The following MRPS27 variants were observed in gnomAD, a reference collection of about 807,000 sequenced individuals.
The protein encoded by MRPS27 is mitochondrial ribosomal protein S27.
A neutral mutation model predicts 48.9 loss-of-function variants in MRPS27; 43 were observed. That is an observed-to-expected ratio of 0.88 (90% CI 0.69 to 1.13). The LOEUF is 1.13. Among genes scored for constraint, MRPS27 ranks in the 50% most tolerant of loss-of-function variants. The probability of loss-of-function intolerance (pLI) is 0.00; values close to 1 mark genes in which losing one functional copy is unlikely to be tolerated. For synonymous variants in MRPS27, 188 were observed against 171.9 expected (o/e 1.09, Z -0.73); for missense variants, 467 against 476.3 (o/e 0.98, Z 0.18).
intron 3 of MRPS27, 135 bp downstream of exon 3, chr5:72,297,497 C>G (rs1222988096): frequency 1.8e-6 from 1 of 564,760 alleles, no homozygotes; most frequent in Non-Finnish European, 3.1e-6. Flanking sequence ...CTATTAGTAA[C>G]TATAAAAACT....
intron 9 of MRPS27, among the ~76,000 whole-genome samples, chr5:72,224,211 A>G (rs1747833828): frequency 6.6e-6 from 1 of 151,586 alleles, no homozygotes; most frequent in Admixed American, 6.6e-5. Context: ...AAAAAAAAAA[A>G]AGCCAAGCAT....
At chr5:72,272,002 T>A (rs1365791548) in intron 4 of MRPS27, among the ~76,000 whole-genome samples, 3 of 152,028 alleles carry the variant, frequency 2.0e-5, no homozygotes, top group Non-Finnish European at 4.4e-5. Flanking sequence ...TAAGCTCTAG[T>A]TTTTACATTT....
At chr5:72,230,605 G>A (rs913268268) in intron 7 of MRPS27, among the ~76,000 whole-genome samples, 1 of 151,998 alleles carries the variant, frequency 6.6e-6, no homozygotes, top group Admixed American at 6.6e-5. Flanking sequence ...TTGCTTTCTA[G>A]CTCATTTGCA....
chr5:72,307,633 C>G (rs1750308430), intron 2 of MRPS27, among the ~76,000 whole-genome samples: 1 of 151,752 alleles, frequency 6.6e-6, no homozygotes, highest in Non-Finnish European at 1.5e-5. Context: ...AAAGGGGGCT[C>G]CTTATACCAA....
At chr5:72,281,911 C>T (rs1056361185) in intron 4 of MRPS27, among the ~76,000 whole-genome samples, 1 of 152,178 alleles carries the variant, frequency 6.6e-6, no homozygotes, top group Non-Finnish European at 1.5e-5. Context: ...AACTATGTAA[C>T]AGCCAGTGCA....
intron 4 of MRPS27, among the ~76,000 whole-genome samples, chr5:72,287,057 C>A (rs558609294): frequency 6.6e-6 from 1 of 152,176 alleles, no homozygotes; most frequent in South Asian, 2.1e-4. Flanking sequence ...CGCCTGAGCT[C>A]CACCTCCTGT....
intron 4 of MRPS27, among the ~76,000 whole-genome samples, chr5:72,257,007 G>A (rs1371038261): frequency 6.6e-6 from 1 of 152,184 alleles, no homozygotes; most frequent in Non-Finnish European, 1.5e-5. Context: ...GTAAATGGGA[G>A]AGTAAGTATA....
chr5:72,283,453 G>C (rs1420130393), intron 4 of MRPS27, among the ~76,000 whole-genome samples: 1 of 152,132 alleles, frequency 6.6e-6, no homozygotes, highest in Non-Finnish European at 1.5e-5. Context: ...TTGAAGTCAG[G>C]CCTCATCCAC....
intron 1 of MRPS27, 56 bp from the exon 2 acceptor site, chr5:72,314,214 T>A: frequency 1.6e-6 from 2 of 1,264,530 alleles, no homozygotes; most frequent in Admixed American, 3.6e-5. Context: ...GTTCATTTTA[T>A]ATGTTTTATT....
chr5:72,245,136 C>T (rs1748477667), intron 4 of MRPS27, among the ~76,000 whole-genome samples: 1 of 152,158 alleles, frequency 6.6e-6, no homozygotes, highest in Admixed American at 6.5e-5. Flanking sequence ...AGTGAAACTG[C>T]ACCCAGAAGC....
intron 5 of MRPS27, 145 bp downstream of exon 5, chr5:72,237,869 G>T: frequency 1.7e-6 from 1 of 576,464 alleles, no homozygotes; most frequent in Non-Finnish European, 3.1e-6. Context: ...CTTATACCCA[G>T]CTCCATTCTG....
intron 4 of MRPS27, chr5:72,241,720 CA>C (rs1748356306): frequency 2.0e-6 from 3 of 1,531,534 alleles, no homozygotes; most frequent in Non-Finnish European, 2.6e-6. Context: ...GAAAAGAATA[CA>C]ACTAACACAT....
intron 4 of MRPS27, among the ~76,000 whole-genome samples, chr5:72,256,583 T>A (rs1253885481): frequency 6.6e-6 from 1 of 152,214 alleles, no homozygotes; most frequent in Admixed American, 6.5e-5. Flanking sequence ...CCTCTTCCTT[T>A]TCACCCAGCT....
intron 9 of MRPS27, among the ~76,000 whole-genome samples, chr5:72,224,748 C>G (rs1450559737): frequency 6.6e-6 from 1 of 152,166 alleles, no homozygotes; most frequent in African/African-American, 2.4e-5. Flanking sequence ...ATTTCTGTGA[C>G]TTAGGAAGTA....
chr5:72,239,101 C>G (rs916066274), intron 4 of MRPS27, among the ~76,000 whole-genome samples: 2 of 152,008 alleles, frequency 1.3e-5, no homozygotes, highest in Non-Finnish European at 2.9e-5. Context: ...TCGCTGGGCT[C>G]CACAAAAATC....
At chr5:72,226,803 C>T (rs1375423770) in intron 8 of MRPS27, among the ~76,000 whole-genome samples, 1 of 152,028 alleles carries the variant, frequency 6.6e-6, no homozygotes, top group East Asian at 1.9e-4. Flanking sequence ...ATGAATGTTT[C>T]TCTGGGTACC....
chr5:72,232,107 C>G (rs1205904060), intron 7 of MRPS27, among the ~76,000 whole-genome samples: 1 of 152,158 alleles, frequency 6.6e-6, no homozygotes, highest in Non-Finnish European at 1.5e-5. Context: ...TATTTAATAT[C>G]CCAGGTAATG....
Position 72,234,192 on chromosome 5 carries a change from T to C in MRPS27, c.402A>G (p.Gln134=), listed in dbSNP as rs781492426. Residue 134 remains glutamine (Q), a synonymous_variant, in exon 6 of 11, where the codon CAA becomes CAG. Coordinates refer to ENST00000261413, the MANE Select transcript of MRPS27 (RefSeq NM_015084.3). ...KALYTLVNKV[Q]YGIFPDNFTF... ...TAAAGTTATCTGGAAAAATTCCATA[T>C]TGAACCTATAATGAAAATGAACATA... 4 of 1,500,386 alleles carry C rather than the reference T, an allele frequency of 2.7e-6. No individual in the cohort carries two copies. The highest frequency in any genetic ancestry group is 1.4e-5 in the African/African-American group (1 of 69,158). The allele number at this position is 1,500,386 out of a possible 1,614,324, so 92.9% of individuals were successfully genotyped here.
At chr5:72,235,456 T>C (rs753666540) in intron 5 of MRPS27, among the ~76,000 whole-genome samples, 38 of 152,060 alleles carry the variant, frequency 2.5e-4, no homozygotes, top group African/African-American at 7.7e-4. Context: ...TCCAAACCCA[T>C]AGGACGTACA....
Sources: gnomAD v4.1 joint callset for allele counts (sites outside exome capture counted in the v4.1 genomes callset) on GRCh38, gnomAD v4.1.1 for gene constraint, MANE v1.5 for transcripts, NCBI Gene and HGNC (gene_info 2026-07-23, HGNC 2026-07-21) for gene names.